ARSG: variants seen among roughly 807,000 people sequenced by gnomAD.
ARSG encodes the protein ASG.
ARSG carries 37 observed loss-of-function variants against 50.5 expected under a neutral mutation model. The ratio of observed to expected loss-of-function variants is 0.73; its 90% CI spans 0.56 to 0.96. ARSG has a LOEUF of 0.96. ARSG is among the 50% of genes least tolerant of loss of function. ARSG has a pLI of 0.00. For missense variants in ARSG, 629 were observed against 675.3 expected, an observed-to-expected ratio of 0.93 and a Z score of 0.76; for synonymous variants, 225 against 254.6, an observed-to-expected ratio of 0.88 and a Z score of 1.11.
intron 11 of ARSG, among the ~76,000 whole-genome samples, chr17:68,417,918 G>T (rs1444433618): frequency 6.6e-6 from 1 of 151,628 alleles, no homozygotes; most frequent in East Asian, 1.9e-4. Context: ...TTTTAGTAGA[G>T]ACGGGGTTTT....
downstream of ARSG, chr17:68,422,013 T>A (rs896973161): frequency 2.4e-5 from 15 of 623,750 alleles, no homozygotes; most frequent in Non-Finnish European, 4.0e-5. Flanking sequence ...TATGACACAG[T>A]TCTAGAAAAT....
At chr17:68,439,210 T>C in the ARSG span, among the ~76,000 whole-genome samples, 1 of 152,128 alleles carries the variant, frequency 6.6e-6, no homozygotes, top group African/African-American at 2.4e-5. Context: ...TATTCATAAG[T>C]CAAAAAGTGG....
At chr17:68,351,520 CAAG>C in intron 4 of ARSG, 52 bp from the exon 5 acceptor site, 1 of 934,928 alleles carries the variant, frequency 1.1e-6, no homozygotes, top group South Asian at 1.3e-5. Flanking sequence ...TGTACAAAGG[CAAG>C]CACATGGAGT....
At chr17:68,439,647 T>A in the ARSG span, among the ~76,000 whole-genome samples, 2 of 152,198 alleles carry the variant, frequency 1.3e-5, no homozygotes. Flanking sequence ...CAAAAAAGAT[T>A]TTCAAATTTT....
chr17:68,395,020 T>A, intron 9 of ARSG, 53 bp from the exon 10 acceptor site: 2 of 1,605,646 alleles, frequency 1.2e-6, no homozygotes, highest in Non-Finnish European at 1.7e-6. Flanking sequence ...CACGGCAGGG[T>A]CAGGGAGCGA....
chr17:68,426,048 GC>G, downstream of ARSG: 2 of 1,597,550 alleles, frequency 1.3e-6, no homozygotes, highest in Non-Finnish European at 1.7e-6. Context: ...AGACTGAGCC[GC>G]CCAGTTACGG....
intron 9 of ARSG, among the ~76,000 whole-genome samples, chr17:68,388,897 C>T (rs2080854453): frequency 6.9e-6 from 1 of 144,568 alleles, no homozygotes; most frequent in Non-Finnish European, 1.5e-5. Flanking sequence ...TGCATTCCAG[C>T]CTGGGCGACA....
the ARSG span, among the ~76,000 whole-genome samples, chr17:68,436,225 C>T: frequency 1.3e-5 from 2 of 152,136 alleles, no homozygotes; most frequent in South Asian, 2.1e-4. Context: ...ACAGCAAGCC[C>T]GAGGGGAAAT....
chr17:68,269,544 G>C (rs1474168468), intron 1 of ARSG, among the ~76,000 whole-genome samples: 2 of 145,288 alleles, frequency 1.4e-5, no homozygotes, highest in Non-Finnish European at 3.0e-5. Context: ...CAATATACTT[G>C]TTCTTCTTGG....
intron 1 of ARSG, among the ~76,000 whole-genome samples, chr17:68,277,696 C>G (rs917486039): frequency 6.6e-6 from 1 of 152,016 alleles, no homozygotes; most frequent in Non-Finnish European, 1.5e-5. Flanking sequence ...TCTCAAAGTG[C>G]TTACAGGTGT....
At chr17:68,391,410 C>T (rs2147101171) in intron 9 of ARSG, among the ~76,000 whole-genome samples, 1 of 152,252 alleles carries the variant, frequency 6.6e-6, no homozygotes, top group Non-Finnish European at 1.5e-5. Context: ...CTTTGTGCTC[C>T]AGGTGGACTA....
intron 1 of ARSG, among the ~76,000 whole-genome samples, chr17:68,265,156 GAA>G (rs369928777): frequency 9.5e-5 from 7 of 73,658 alleles, no homozygotes; most frequent in Non-Finnish European, 1.1e-4. Context: ...CTCCATCTCA[GAA>G]AAAAAAAAAA....
chr17:68,357,830 C>G (rs1052452454), intron 6 of ARSG, among the ~76,000 whole-genome samples: 1 of 152,136 alleles, frequency 6.6e-6, no homozygotes, highest in African/African-American at 2.4e-5. Flanking sequence ...CCTGGAATAT[C>G]ACATCTTTTC....
At chr17:68,310,200 T>C (rs1390897242) in intron 2 of ARSG, among the ~76,000 whole-genome samples, 1 of 152,086 alleles carries the variant, frequency 6.6e-6, no homozygotes, top group Admixed American at 6.5e-5. Context: ...CCTCAGGTGA[T>C]CCGCCCGTCT....
chr17:68,309,681 A>G (rs1381279313), intron 2 of ARSG, among the ~76,000 whole-genome samples: 1 of 152,044 alleles, frequency 6.6e-6, no homozygotes, highest in African/African-American at 2.4e-5. Flanking sequence ...CAACCTGCCG[A>G]AACCCTCTCT....
chr17:68,346,882 G>A (rs1378909937), intron 3 of ARSG: 2 of 1,441,936 alleles, frequency 1.4e-6, no homozygotes, highest in Admixed American at 2.1e-5. Flanking sequence ...CTGGTGATGG[G>A]CTGTCTTCCC....
At chr17:68,379,327 A>G (rs979410642) in intron 8 of ARSG, among the ~76,000 whole-genome samples, 2 of 149,930 alleles carry the variant, frequency 1.3e-5, no homozygotes, top group Non-Finnish European at 3.0e-5. Flanking sequence ...TGCAGCCTTG[A>G]CCTCCGGGGC....
chr17:68,346,845 G>C (rs1484814331), intron 3 of ARSG: 1 of 1,388,562 alleles, frequency 7.2e-7, no homozygotes, highest in Non-Finnish European at 9.5e-7. Flanking sequence ...CTCTTTGAGG[G>C]GCAGAGGCTC....
chr17:68,392,171 G>C lies in ARSG; in HGVS notation c.1092-2902G>C, dbSNP rs1257470270. 3.9e-5 allele frequency among the ~76,000 whole-genome samples: 6 copies of C among 152,340 alleles called. No individual in the cohort carries two copies. In the East Asian group the frequency reaches 1.2e-3, roughly 29 times the overall value. Reference sequence around the variant, plus strand: ...AGGGCCTCTTTCTTGGGAAAGTCCAGCTTCGCATTAGCTCAGCCCTCCTGG... The same window carrying C: ...AGGGCCTCTTTCTTGGGAAAGTCCACCTTCGCATTAGCTCAGCCCTCCTGG... On this transcript the variant is annotated intron_variant, in intron 9 of 11. Coordinates refer to ENST00000621439, the MANE Select transcript of ARSG (RefSeq NM_001267727.2).
Sources: allele counts gnomAD v4.1 joint callset (sites outside exome capture counted in the v4.1 genomes callset), GRCh38; gene constraint gnomAD v4.1.1; transcripts MANE v1.5; gene names NCBI Gene and HGNC (gene_info 2026-07-23, HGNC 2026-07-21).